NEK5: variants seen among roughly 807,000 people sequenced by gnomAD.
NEK5 encodes the protein serine/threonine-protein kinase Nek5.
Under a neutral mutation model 109.2 loss-of-function variants are expected in NEK5, and 88 were observed. The observed-to-expected ratio is 0.81, with a 90% CI of 0.68 to 0.96. The LOEUF (loss-of-function observed/expected upper bound fraction) is 0.96. Among genes scored for constraint, NEK5 ranks in the 40% least tolerant of loss-of-function variants. The pLI is 0.00. For missense variants in NEK5, 834 were observed against 920.7 expected, an observed-to-expected ratio of 0.91 and a Z score of 1.22; for synonymous variants, 283 against 299.9, an observed-to-expected ratio of 0.94 and a Z score of 0.58.
At chr13:52,087,272 T>C in intron 15 of NEK5, 66 bp downstream of exon 15, 1 of 826,486 alleles carries the variant, frequency 1.2e-6, no homozygotes, top group Non-Finnish European at 2.1e-6. Context: ...TAACTCCCTA[T>C]TACAGTACAA....
At chr13:52,049,852 A>G (rs1954489274) in intron 23 of NEK5, among the ~76,000 whole-genome samples, 1 of 152,198 alleles carries the variant, frequency 6.6e-6, no homozygotes, top group Admixed American at 6.5e-5. Flanking sequence ...CTGCTAGCAC[A>G]ATATGTGAGG....
intron 22 of NEK5, among the ~76,000 whole-genome samples, chr13:52,051,981 A>G (rs1954509600): frequency 6.6e-6 from 1 of 152,172 alleles, no homozygotes; most frequent in Non-Finnish European, 1.5e-5. Flanking sequence ...TTATGTAAAA[A>G]TGCAGATTCA....
chr13:52,085,211 G>A (rs1955117434), intron 16 of NEK5, among the ~76,000 whole-genome samples: 1 of 152,064 alleles, frequency 6.6e-6, no homozygotes, highest in Non-Finnish European at 1.5e-5. Context: ...TTGTAAATAG[G>A]AGTTCCCCTA....
chr13:52,089,514 G>A (rs533597373), intron 13 of NEK5, among the ~76,000 whole-genome samples: 1 of 152,300 alleles, frequency 6.6e-6, no homozygotes, highest in East Asian at 1.9e-4. Flanking sequence ...AGGATGAAGA[G>A]TAACAAGTGG....
chr13:52,120,415 A>T (rs1188744603), intron 3 of NEK5, among the ~76,000 whole-genome samples: 1 of 152,126 alleles, frequency 6.6e-6, no homozygotes, highest in Non-Finnish European at 1.5e-5. Flanking sequence ...GACAAACAAA[A>T]GGATAAGATA....
chr13:52,108,576 G>C (rs1461147939), intron 7 of NEK5, among the ~76,000 whole-genome samples, 172 bp from the exon 8 acceptor site: 7 of 152,082 alleles, frequency 4.6e-5, no homozygotes, highest in Non-Finnish European at 4.4e-5. Flanking sequence ...TAAATCAGCT[G>C]ATTTTTAAAC....
chr13:52,096,325 C>T (rs1456402126), intron 12 of NEK5, among the ~76,000 whole-genome samples: 2 of 151,852 alleles, frequency 1.3e-5, no homozygotes, highest in Non-Finnish European at 2.9e-5. Flanking sequence ...GCGTGGAGGG[C>T]TCAGAAGAAG....
At chr13:52,083,983 G>A (rs1054717388) in intron 16 of NEK5, among the ~76,000 whole-genome samples, 2 of 152,102 alleles carry the variant, frequency 1.3e-5, no homozygotes, top group South Asian at 2.1e-4. Flanking sequence ...AGCACACACA[G>A]TCCTCTGTCC....
At chr13:52,110,201 C>G (rs973745764) in intron 7 of NEK5, 139 bp downstream of exon 7, 7 of 616,186 alleles carry the variant, frequency 1.1e-5, no homozygotes, top group Admixed American at 5.8e-5. Flanking sequence ...AAAGTACCAT[C>G]TGATGTAATG....
At chr13:52,064,005 G>T (rs1490237773) in intron 21 of NEK5, among the ~76,000 whole-genome samples, 2 of 134,108 alleles carry the variant, frequency 1.5e-5, no homozygotes, top group Non-Finnish European at 3.2e-5. Flanking sequence ...GTGGGGGGGG[G>T]GGTCAGCCCC....
intron 3 of NEK5, among the ~76,000 whole-genome samples, chr13:52,121,003 T>C (rs9535873): frequency 0.6 from 90,659 of 151,672 alleles, 29,197 homozygotes; most frequent in Non-Finnish European, 0.72. Context: ...TGTCAATAAC[T>C]ACTATTGGCC....
chr13:52,126,942 A>G (rs1175780806), intron 3 of NEK5, among the ~76,000 whole-genome samples: 3 of 152,156 alleles, frequency 2.0e-5, no homozygotes, highest in Admixed American at 1.3e-4. Context: ...CACAGAGAAA[A>G]GTCAGGGCAA....
At chr13:52,117,400 G>C (rs535212474) in intron 4 of NEK5, among the ~76,000 whole-genome samples, 1 of 152,228 alleles carries the variant, frequency 6.6e-6, no homozygotes, top group Non-Finnish European at 1.5e-5. Flanking sequence ...AAACTCAAAG[G>C]CATCACAATA....
intron 4 of NEK5, among the ~76,000 whole-genome samples, chr13:52,115,970 G>A (rs1955850130): frequency 6.6e-6 from 1 of 151,958 alleles, no homozygotes; most frequent in African/African-American, 2.4e-5. Flanking sequence ...GAACTTAGGT[G>A]TTTGAGACCA....
chr13:52,090,783 T>G (rs944857555), intron 13 of NEK5, among the ~76,000 whole-genome samples: 16 of 152,146 alleles, frequency 1.1e-4, no homozygotes, highest in African/African-American at 2.4e-5. Context: ...GCCAGCACTT[T>G]GGGAGGCCAA....
chr13:52,100,101 T>C (rs1006100572), intron 11 of NEK5, among the ~76,000 whole-genome samples: 2 of 152,190 alleles, frequency 1.3e-5, no homozygotes, highest in African/African-American at 4.8e-5. Context: ...TTTCTAGTAA[T>C]ATATAACATC....
chr13:52,103,816 G>A (rs996612160), intron 9 of NEK5, among the ~76,000 whole-genome samples: 9 of 152,176 alleles, frequency 5.9e-5, no homozygotes, highest in Non-Finnish European at 1.0e-4. Context: ...CATTTCACAG[G>A]TGACGTGGGT....
chr13:52,054,279 T>C (rs1954533043), intron 22 of NEK5, among the ~76,000 whole-genome samples: 2 of 152,178 alleles, frequency 1.3e-5, no homozygotes, highest in Admixed American at 1.3e-4. Context: ...TTTCCAAACA[T>C]AGTTGTTATG....
intron 22 of NEK5, among the ~76,000 whole-genome samples, chr13:52,058,752 G>A (rs1186107967): frequency 2.0e-5 from 3 of 152,220 alleles, no homozygotes; most frequent in Admixed American, 2.0e-4. Flanking sequence ...CTAGCCACAT[G>A]TAGAAAGCTG....
Sources: allele counts gnomAD v4.1 joint callset (sites outside exome capture counted in the v4.1 genomes callset), GRCh38; gene constraint gnomAD v4.1.1; transcripts MANE v1.5; gene names NCBI Gene and HGNC (gene_info 2026-07-23, HGNC 2026-07-21).